The following GUSB variants were observed in gnomAD, a reference collection of about 807,000 sequenced individuals.
GUSB encodes the protein glucuronidase beta, also known as beta-glucuronidase.
Under a neutral mutation model 74.6 loss-of-function variants are expected in GUSB, and 51 were observed. The observed-to-expected ratio is 0.68, with a 90% CI of 0.55 to 0.86. The LOEUF (loss-of-function observed/expected upper bound fraction) is 0.86, where lower values mean the gene tolerates loss of function less well. Among genes scored for constraint, GUSB ranks in the 40% least tolerant of loss-of-function variants. The pLI, the probability that GUSB is intolerant of heterozygous loss-of-function variation, is 0.00. For missense variants in GUSB, 736 were observed against 853.7 expected, an observed-to-expected ratio of 0.86 and a Z score of 1.72; for synonymous variants, 360 against 348.3, an observed-to-expected ratio of 1.03 and a Z score of -0.37.
rs747572640 is a variant in GUSB at position 65,974,650 on chromosome 7, G to A, written c.1120C>T (p.Arg374Cys). Residue 374 changes from arginine (R) to cysteine (C), a missense_variant, in exon 7 of 12, where the codon CGC (arginine) becomes TGC (cysteine). Physicochemically the swap from Arg to Cys is radical, Grantham distance 180. This residue lies in a region of GUSB where 368 missense variants were observed against 489.9 expected (regional missense o/e 0.75). Transcript: ENST00000304895. The stretch of plus-strand genomic sequence containing the variant: ...CGGAAAGCGTTGGCACCAAGCCAGC[G>A]AAGCAGGTTGAAGTCCTTCACCAGC... Reference protein sequence around the residue: ...PLLVKDFNLLRWLGANAFRTS... With the variant: ...PLLVKDFNLLCWLGANAFRTS... 10 of 1,613,788 alleles carry A rather than the reference G, an allele frequency of 6.2e-6. No homozygotes were observed. Among genetic ancestry groups the A allele is most frequent in the African/African-American group, 1.3e-5 (1 of 74,928 alleles).
In GUSB at chr7:65,976,220, G is replaced by T; in HGVS notation, c.725-18C>A. The stretch of plus-strand genomic sequence containing the variant: ...CACCAGCCCTGCAAGAAACAAGAGA[G>T]ACCAGGGCTGAGGGAGGGACACGAC... On this transcript the variant is annotated intron_variant, in intron 4 of 11. Coordinates refer to ENST00000304895, the MANE Select transcript of GUSB (RefSeq NM_000181.4). 2 of 1,594,184 alleles carry T rather than the reference G, an allele frequency of 1.3e-6. No homozygotes were observed. The highest frequency in any genetic ancestry group is 1.7e-5 in the Admixed American group (1 of 59,996).
Position 65,964,372 on chromosome 7 carries a change from G to A in GUSB, c.1740C>T (p.Tyr580=), listed in dbSNP as rs1061361. 178,843 of 1,610,650 alleles carry A rather than the reference G, an allele frequency of 0.11. 11,381 individuals are homozygous for A. The highest frequency in any genetic ancestry group is 0.22 in the Middle Eastern group (976 of 4,432). The change falls in exon 11 of 12, where the codon TAC becomes TAT. Residue 580 remains tyrosine (Y), a synonymous_variant. Coordinates refer to ENST00000304895, the MANE Select transcript of GUSB (RefSeq NM_000181.4). The part of the protein sequence containing the change: ...HLGLDQKRRK[Y]VVGELIWNFA... ...AATTCCAAATGAGCTCTCCAACCACGTATTTTCTGCGTTTTTGATCCAGAC... is the reference window on the plus strand; with the variant it reads ...AATTCCAAATGAGCTCTCCAACCACATATTTTCTGCGTTTTTGATCCAGAC...
chr7:65,980,582 A>C, intron 1 of GUSB, 173 bp from the exon 2 acceptor site: 2 of 663,254 alleles, frequency 3.0e-6, no homozygotes, highest in Non-Finnish European at 5.4e-6. Context: ...CGATCTGTGC[A>C]CCTGGGCCAG....
intron 9 of GUSB, among the ~76,000 whole-genome samples, chr7:65,968,839 G>A (rs981523207): frequency 2.0e-5 from 3 of 152,048 alleles, no homozygotes; most frequent in Non-Finnish European, 4.4e-5. Context: ...TGCCTGCCTC[G>A]GCCTCCCAAA....
intron 1 of GUSB, chr7:65,980,654 C>A: frequency 3.7e-6 from 2 of 541,980 alleles, no homozygotes; most frequent in South Asian, 4.0e-5. Context: ...CAGGAGCAAG[C>A]CCAGGGCCAC....
chr7:65,974,227 C>T, intron 8 of GUSB, 68 bp downstream of exon 8: 2 of 1,510,978 alleles, frequency 1.3e-6, no homozygotes, highest in East Asian at 2.3e-5. Context: ...CAGCACATGC[C>T]CACCGAGGCC....
chr7:65,980,841 A>G, intron 1 of GUSB: 1 of 277,474 alleles, frequency 3.6e-6, no homozygotes, highest in Non-Finnish European at 7.2e-6. Context: ...AATGCTGCAA[A>G]GTCAGAATAA....
rs1258479116 is a variant in GUSB at position 65,982,007 on chromosome 7, G to A, written c.177C>T (p.Phe59=). The part of the protein sequence containing the change: ...ADFSDNRRRG[F]EEQWYRRPLW... ...GCGGCCGCCGGTACCACTGCTCCTCGAAGCCCCGGCGTCGGTTGTCAGAGA... is the reference window on the plus strand; with the variant it reads ...GCGGCCGCCGGTACCACTGCTCCTCAAAGCCCCGGCGTCGGTTGTCAGAGA... Residue 59 remains phenylalanine, a synonymous_variant, in exon 1 of 12, where the codon TTC becomes TTT. Transcript: ENST00000304895. 2 of 1,609,564 alleles carry A rather than the reference G, an allele frequency of 1.2e-6. No homozygotes were observed. The highest frequency in any genetic ancestry group is 1.3e-5 in the African/African-American group (1 of 74,674).
Position 65,970,396 on chromosome 7 carries a change from C to T in GUSB, c.1392-30G>A, listed in dbSNP as rs189169927. 8.1e-6 allele frequency: 12 copies of T among 1,488,244 alleles called. No individual in the cohort carries two copies. In the Admixed American group the frequency reaches 2.0e-4, roughly 25 times the overall value. 92.2% of individuals were successfully genotyped at this position (1,488,244 alleles called of 1,614,324 possible). A position where few individuals can be genotyped will look rare whatever the true frequency, so the allele number is the denominator to read the frequency against. ...CCACAAAAGGCAGAAGAAACAGGTT[C>T]CATCAGTCCAGGAATGGCTCAGACA... On this transcript the variant is annotated intron_variant, in intron 8 of 11. Transcript: ENST00000304895.
chr7:65,961,166 T>G, intron 11 of GUSB, 103 bp from the exon 12 acceptor site: 1 of 1,124,586 alleles, frequency 8.9e-7, no homozygotes, highest in Non-Finnish European at 1.3e-6. Flanking sequence ...AAATGTCTTT[T>G]TTTTTCTTTT....
At position 65,980,423 on chromosome 7, in the gene GUSB, A is replaced by T. The variant is rs2116043807; in HGVS notation, c.211-14T>A. 1.9e-6 allele frequency: 3 copies of T among 1,610,004 alleles called. No homozygotes were observed. In the East Asian group the frequency reaches 6.7e-5, roughly 36 times the overall value. On this transcript the variant is annotated splice_polypyrimidine_tract_variant and intron_variant, in intron 1 of 11. Coordinates refer to ENST00000304895, the MANE Select transcript of GUSB (RefSeq NM_000181.4). ...GGTGGGGCCTGACTGTGGAGAGAAG[A>T]GCCGGGCTCAGCTCCTAGGCCCCCA...
intron 1 of GUSB, chr7:65,980,680 A>AAGAAGGTTCAGACCTGTGACTAAGAGGC: frequency 2.0e-6 from 1 of 501,798 alleles, no homozygotes; most frequent in Non-Finnish European, 3.7e-6. Context: ...AGCCAGAGGC[A>AAGAAGGTTCAGACCTGTGACTAAGAGGC]AGAAGGTTCA....
At position 65,960,817 on chromosome 7, in the gene GUSB, T is replaced by C; in HGVS notation, c.*80A>G. 8.4e-7 allele frequency: 1 copy of C among 1,186,650 alleles called. No homozygotes were observed. The highest frequency in any genetic ancestry group is 1.3e-6 in the Non-Finnish European group (1 of 790,802). 73.5% of individuals were successfully genotyped at this position (1,186,650 alleles called of 1,614,324 possible). A position where few individuals can be genotyped will look rare whatever the true frequency, so the allele number is the denominator to read the frequency against. Reference sequence around the variant, plus strand: ...AAACGTTCTGGTCTGCCGTGAACAGTCCAGGAGGCACTTGTTCTGCTGCTG... The same window carrying C: ...AAACGTTCTGGTCTGCCGTGAACAGCCCAGGAGGCACTTGTTCTGCTGCTG... On this transcript the variant is annotated 3_prime_UTR_variant, in exon 12 of 12. Transcript: ENST00000304895.
chr7:65,970,870 C>T (rs939966856), intron 8 of GUSB, among the ~76,000 whole-genome samples: 1 of 151,320 alleles, frequency 6.6e-6, no homozygotes, highest in African/African-American at 2.4e-5. Context: ...GCCTGGTCCA[C>T]AGAGCAAGAC....
chr7:65,974,597 T>C lies in GUSB; in HGVS notation c.1173A>G (p.Glu391=), dbSNP rs1161337101. Reference sequence around the variant, plus strand: ...CATAGCGGTCACACATCTGCATCACTTCCTCTGCATAGGGGTAGTGGCTGG... The same window carrying C: ...CATAGCGGTCACACATCTGCATCACCTCCTCTGCATAGGGGTAGTGGCTGG... ...FRTSHYPYAE[E]VMQMCDRYGI... is the part of the protein sequence containing the mutation. The change falls in exon 7 of 12, where the codon GAA becomes GAG. Residue 391 remains glutamate (E), a synonymous_variant. Coordinates refer to ENST00000304895, the MANE Select transcript of GUSB (RefSeq NM_000181.4). 2 of 1,614,168 alleles carry C rather than the reference T, an allele frequency of 1.2e-6. No individual in the cohort carries two copies. The highest frequency in any genetic ancestry group is 2.2e-5 in the East Asian group (1 of 44,878).
chr7:65,967,832 GA>G lies in GUSB; in HGVS notation c.1551del (p.Gln518SerfsTer38). 6.2e-7 allele frequency: 1 copy of G among 1,610,226 alleles called. No homozygotes were observed. The highest frequency in any genetic ancestry group is 8.5e-7 in the Non-Finnish European group (1 of 1,179,270). The stretch of plus-strand genomic sequence containing the variant: ...TCAAACTGGGTGGCCAGCTGCAGCT[GA>G]ATCAACTCCAGGTGCCCGTAGTCGT... ...WYHDYGHLEL[I>X]QLQLATQFEN... is the part of the protein sequence containing the mutation. On this transcript the variant is annotated frameshift_variant, in exon 10 of 12. Coordinates refer to ENST00000304895, the MANE Select transcript of GUSB (RefSeq NM_000181.4). LOFTEE classifies it high-confidence loss of function.
intron 10 of GUSB, among the ~76,000 whole-genome samples, chr7:65,966,495 TAAA>T (rs1790846097): frequency 6.6e-6 from 1 of 151,204 alleles, no homozygotes; most frequent in Non-Finnish European, 1.5e-5. Context: ...TGAGATAGAT[TAAA>T]AAAATGACGA....
chr7:65,980,185 G>GCACCCCCCCC, intron 2 of GUSB, 39 bp downstream of exon 2: 2 of 725,272 alleles, frequency 2.8e-6, no homozygotes, highest in South Asian at 1.5e-5. Context: ...CAGCAGCCGT[G>GCACCCCCCCC]CCCCCCCACC....
At position 65,964,384 on chromosome 7, in the gene GUSB, T is replaced by G; in HGVS notation, c.1728A>C (p.Lys576Asn). ...GCTCTCCAACCACGTATTTTCTGCGTTTTTGATCCAGACCCAGATGGTACT... is the reference window on the plus strand; with the variant it reads ...GCTCTCCAACCACGTATTTTCTGCGGTTTTGATCCAGACCCAGATGGTACT... ...LEQYHLGLDQKRRKYVVGELI... is the reference protein window; with the variant it reads ...LEQYHLGLDQNRRKYVVGELI... The change falls in exon 11 of 12, where the codon AAA becomes AAC. Residue 576 changes from lysine (K) to asparagine (N), a missense_variant. Physicochemically the swap from Lys to Asn is moderately conservative, Grantham distance 94. Around this residue, in one of 2 missense-constraint regions of GUSB, gnomAD observed 368 missense variants for 489.9 expected, o/e 0.75. Transcript: ENST00000304895. 1 of 1,611,548 alleles carries G rather than the reference T, an allele frequency of 6.2e-7. No individual in the cohort carries two copies.
Sources: allele counts gnomAD v4.1 joint callset (sites outside exome capture counted in the v4.1 genomes callset), GRCh38; gene constraint gnomAD v4.1.1; regional missense constraint gnomAD v4.1.1; transcripts MANE v1.5; gene names NCBI Gene and HGNC (gene_info 2026-07-23, HGNC 2026-07-21).